SEMA6D: variants seen among roughly 807,000 people sequenced by gnomAD.
The protein encoded by SEMA6D is semaphorin-6D.
Under a neutral mutation model 106.6 loss-of-function variants are expected in SEMA6D, and 35 were observed. That is an observed-to-expected ratio of 0.33 (90% CI 0.25 to 0.44). SEMA6D has a LOEUF of 0.44. SEMA6D is among the 20% of genes least tolerant of loss of function. SEMA6D has a pLI of 1.00. For synonymous variants in SEMA6D, 499 were observed against 487.7 expected (o/e 1.02, Z -0.31); for missense variants, 1,185 against 1,345.9 (o/e 0.88, Z 1.87).
intron 4 of SEMA6D, among the ~76,000 whole-genome samples, chr15:47,646,491 G>A (rs565207502): frequency 6.6e-6 from 1 of 152,294 alleles, no homozygotes; most frequent in East Asian, 1.9e-4. Context: ...TTGGGTGACT[G>A]AGAAAATCTC....
At chr15:47,572,882 A>G (rs2076088304) in intron 3 of SEMA6D, among the ~76,000 whole-genome samples, 1 of 152,210 alleles carries the variant, frequency 6.6e-6, no homozygotes, top group Non-Finnish European at 1.5e-5. Flanking sequence ...GTGAAACAAC[A>G]TCGCATATGC....
chr15:47,705,676 C>G (rs2078899562), intron 4 of SEMA6D, among the ~76,000 whole-genome samples: 1 of 152,086 alleles, frequency 6.6e-6, no homozygotes, highest in South Asian at 2.1e-4. Context: ...TGTTTTTTCC[C>G]AATTCTTCTG....
At chr15:47,415,883 A>C (rs2040950217) in intron 2 of SEMA6D, among the ~76,000 whole-genome samples, 1 of 152,192 alleles carries the variant, frequency 6.6e-6, no homozygotes, top group South Asian at 2.1e-4. Flanking sequence ...AAATTCCAAC[A>C]ATTACACATG....
At chr15:47,627,070 T>A (rs1007013274) in intron 4 of SEMA6D, among the ~76,000 whole-genome samples, 1 of 152,154 alleles carries the variant, frequency 6.6e-6, no homozygotes, top group Non-Finnish European at 1.5e-5. Flanking sequence ...AGCCAAGCCT[T>A]CCTTGTTTGG....
At chr15:47,243,825 T>C (rs1246211664) in intron 1 of SEMA6D, among the ~76,000 whole-genome samples, 3 of 152,128 alleles carry the variant, frequency 2.0e-5, no homozygotes, top group Non-Finnish European at 4.4e-5. Context: ...CAGAATTTCA[T>C]TAATCCGCTC....
At chr15:47,387,126 G>T (rs149925857) in intron 1 of SEMA6D, among the ~76,000 whole-genome samples, 108 of 152,290 alleles carry the variant, frequency 7.1e-4, no homozygotes, top group African/African-American at 2.6e-3. Context: ...GAGGTAAGTT[G>T]CCTTCTAGGA....
intron 1 of SEMA6D, among the ~76,000 whole-genome samples, chr15:47,288,954 C>T (rs1485691579): frequency 2.6e-5 from 4 of 152,110 alleles, no homozygotes; most frequent in Non-Finnish European, 5.9e-5. Context: ...CCTGTTTGGG[C>T]AACCAGCTGT....
At chr15:47,286,842 T>C (rs908395004) in intron 1 of SEMA6D, among the ~76,000 whole-genome samples, 1 of 152,164 alleles carries the variant, frequency 6.6e-6, no homozygotes, top group African/African-American at 2.4e-5. Flanking sequence ...TTCACTGTCC[T>C]AACCATTAAA....
chr15:47,212,630 AC>A (rs1464792220), intron 1 of SEMA6D, among the ~76,000 whole-genome samples: 2 of 152,200 alleles, frequency 1.3e-5, no homozygotes, highest in African/African-American at 4.8e-5. Context: ...TTAAGTCTAT[AC>A]TGTTTCTCAA....
intron 15 of SEMA6D, 28 bp downstream of exon 15, chr15:47,766,210 G>A (rs1216965898): frequency 1.9e-6 from 3 of 1,585,174 alleles, no homozygotes; most frequent in East Asian, 2.2e-5. Flanking sequence ...CATGAGCTAG[G>A]ATGAACTATC....
At chr15:47,241,571 G>A (rs79164279) in intron 1 of SEMA6D, among the ~76,000 whole-genome samples, 1 of 151,560 alleles carries the variant, frequency 6.6e-6, no homozygotes, top group East Asian at 1.9e-4. Context: ...ACATTCTAAG[G>A]CCAAGTACAT....
At chr15:47,504,148 G>T (rs931282964) in intron 3 of SEMA6D, among the ~76,000 whole-genome samples, 1 of 152,174 alleles carries the variant, frequency 6.6e-6, no homozygotes, top group Non-Finnish European at 1.5e-5. Context: ...GCATCAGCCG[G>T]GTTTGCCTTT....
intron 1 of SEMA6D, among the ~76,000 whole-genome samples, chr15:47,250,469 A>G (rs1452610700): frequency 6.6e-6 from 1 of 152,180 alleles, no homozygotes; most frequent in African/African-American, 2.4e-5. Flanking sequence ...GAAAGAAGGA[A>G]AGAACCTTTA....
intron 1 of SEMA6D, among the ~76,000 whole-genome samples, chr15:47,354,213 A>G (rs1022029325): frequency 6.8e-6 from 1 of 146,658 alleles, no homozygotes; most frequent in Non-Finnish European, 1.5e-5. Context: ...ATATATATAT[A>G]TATATATATA....
chr15:47,663,912 A>G (rs965861065), intron 4 of SEMA6D, among the ~76,000 whole-genome samples: 5 of 152,132 alleles, frequency 3.3e-5, no homozygotes, highest in African/African-American at 1.2e-4. Flanking sequence ...CACTCAGACT[A>G]CTAGGAGCGC....
intron 1 of SEMA6D, among the ~76,000 whole-genome samples, chr15:47,202,990 A>G (rs1894822807): frequency 6.6e-6 from 1 of 152,138 alleles, no homozygotes; most frequent in Non-Finnish European, 1.5e-5. Context: ...TTTAGTGAAA[A>G]CAAAGAAGGC....
At chr15:47,674,320 A>G (rs930550564) in intron 4 of SEMA6D, among the ~76,000 whole-genome samples, 1 of 152,204 alleles carries the variant, frequency 6.6e-6, no homozygotes, top group African/African-American at 2.4e-5. Flanking sequence ...GGTTGGAAGG[A>G]AAGACGTAGC....
intron 3 of SEMA6D, among the ~76,000 whole-genome samples, chr15:47,514,795 A>G (rs1236008879): frequency 6.6e-6 from 1 of 152,140 alleles, no homozygotes; most frequent in Non-Finnish European, 1.5e-5. Flanking sequence ...GTTCAGAGTA[A>G]AAGTCCTTTA....
At chr15:47,193,389 G>T (rs895028184) in intron 1 of SEMA6D, among the ~76,000 whole-genome samples, 2 of 152,126 alleles carry the variant, frequency 1.3e-5, no homozygotes, top group African/African-American at 4.8e-5. Flanking sequence ...CAGATTTTCA[G>T]ATTAGGGATG....
Sources: gnomAD v4.1 joint callset for allele counts (sites outside exome capture counted in the v4.1 genomes callset) on GRCh38, gnomAD v4.1.1 for gene constraint, MANE v1.5 for transcripts, NCBI Gene and HGNC (gene_info 2026-07-23, HGNC 2026-07-21) for gene names.